PLCB4: variants seen among roughly 807,000 people sequenced by gnomAD.
PLCB4 encodes phospholipase C beta 4, also known as 1-phosphatidylinositol 4,5-bisphosphate phosphodiesterase beta-4.
In PLCB4, 77 loss-of-function variants were observed where a neutral mutation model predicts 178.8. The ratio of observed to expected loss-of-function variants is 0.43; its 90% confidence interval spans 0.36 to 0.52. The LOEUF (loss-of-function observed/expected upper bound fraction) is 0.52, where lower values mean the gene tolerates loss of function less well. PLCB4 is among the 20% of genes least tolerant of loss of function. The pLI is 0.00. For missense variants in PLCB4, 1,024 were observed against 1,453.4 expected, an observed-to-expected ratio of 0.70 and a Z score of 4.80; for synonymous variants, 496 against 490.8, an observed-to-expected ratio of 1.01 and a Z score of -0.14.
rs1402594384 is a variant in PLCB4, at chr20:9,264,701, A to T, written c.-15-43099A>T. ...GAATAGGCATGTGGAAGTATTTGGAAATCTTTGAAGTACTGTTTCTCAACC... is the reference window on the plus strand; with the variant it reads ...GAATAGGCATGTGGAAGTATTTGGATATCTTTGAAGTACTGTTTCTCAACC... On this transcript the variant is annotated intron_variant, in intron 3 of 39. Coordinates refer to ENST00000378473, the MANE Select transcript of PLCB4 (RefSeq NM_001377142.1). Among the ~76,000 whole-genome samples, 4 of 152,204 alleles carry T rather than the reference A, an allele frequency of 2.6e-5. No individual in the cohort carries two copies. The East Asian group carries it at 7.7e-4, about 29-fold the overall frequency.
At chr20:9,319,734 C>T (rs2094938118) in intron 4 of PLCB4, among the ~76,000 whole-genome samples, 1 of 152,166 alleles carries the variant, frequency 6.6e-6, no homozygotes, top group Admixed American at 6.5e-5. Context: ...TTGGATGGTG[C>T]CCTCCTGTAT....
At chr20:9,338,834 T>G in intron 6 of PLCB4, 60 bp from the exon 7 acceptor site, 1 of 1,329,756 alleles carries the variant, frequency 7.5e-7, no homozygotes. Flanking sequence ...TTACCACGTT[T>G]CTTCCTCCAT....
intron 7 of PLCB4, among the ~76,000 whole-genome samples, chr20:9,362,304 G>A (rs2035410872): frequency 6.6e-6 from 1 of 152,128 alleles, no homozygotes. Context: ...GTAAAACAGT[G>A]GAGTGATGGT....
intron 3 of PLCB4, among the ~76,000 whole-genome samples, chr20:9,247,056 A>G (rs1290534922): frequency 1.3e-5 from 2 of 152,194 alleles, no homozygotes; most frequent in Non-Finnish European, 2.9e-5. Flanking sequence ...TAGTGATGAC[A>G]GTACCCAGCA....
chr20:9,461,834 C>G (rs2043416492), intron 35 of PLCB4, among the ~76,000 whole-genome samples: 1 of 152,214 alleles, frequency 6.6e-6, no homozygotes, highest in Admixed American at 6.5e-5. Flanking sequence ...CAGGGCATAG[C>G]TGAACAAAAG....
intron 18 of PLCB4, 100 bp from the exon 19 acceptor site, chr20:9,395,419 ATTTC>A (rs2038495528): frequency 1.3e-6 from 1 of 757,846 alleles, no homozygotes; most frequent in Non-Finnish European, 2.3e-6. Flanking sequence ...TGAACATTCT[ATTTC>A]TTCTCTCTTT....
At chr20:9,100,726 A>C (rs181845783) in intron 2 of PLCB4, among the ~76,000 whole-genome samples, 1 of 152,066 alleles carries the variant, frequency 6.6e-6, no homozygotes, top group African/African-American at 2.4e-5. Context: ...TCTGATTCCT[A>C]CTTGGCTAGG....
intron 7 of PLCB4, among the ~76,000 whole-genome samples, chr20:9,360,889 A>C (rs150075770): frequency 2.0e-5 from 3 of 152,284 alleles, no homozygotes; most frequent in African/African-American, 4.8e-5. Context: ...CCCTCAGAAA[A>C]CTGTTAGGTG....
chr20:9,078,773 G>T (rs547755215), intron 1 of PLCB4, among the ~76,000 whole-genome samples: 1 of 152,288 alleles, frequency 6.6e-6, no homozygotes, highest in African/African-American at 2.4e-5. Context: ...AACTGTAATT[G>T]TTATTAATGA....
chr20:9,367,112 C>T (rs1315125638), intron 9 of PLCB4, among the ~76,000 whole-genome samples: 2 of 152,324 alleles, frequency 1.3e-5, no homozygotes, highest in Non-Finnish European at 2.9e-5. Context: ...TCCATACTCC[C>T]TTGACATTAC....
chr20:9,311,398 T>A (rs1331750080), intron 4 of PLCB4, among the ~76,000 whole-genome samples: 5 of 152,174 alleles, frequency 3.3e-5, no homozygotes, highest in Non-Finnish European at 7.3e-5. Context: ...CAGAGGAGAA[T>A]TGCATCATAC....
chr20:9,233,332 A>G (rs2093954802), intron 3 of PLCB4, among the ~76,000 whole-genome samples: 1 of 152,078 alleles, frequency 6.6e-6, no homozygotes. Flanking sequence ...TTGAGTGTCT[A>G]CCATGCACCA....
chr20:9,364,686 G>T (rs2035625289), intron 8 of PLCB4, among the ~76,000 whole-genome samples: 2 of 152,176 alleles, frequency 1.3e-5, no homozygotes, highest in African/African-American at 4.8e-5. Context: ...GTAGTTAGTG[G>T]TGCTTCTACG....
chr20:9,083,076 C>T (rs2090234937), intron 1 of PLCB4, among the ~76,000 whole-genome samples: 1 of 152,180 alleles, frequency 6.6e-6, no homozygotes, highest in African/African-American at 2.4e-5. Flanking sequence ...TGAAAACCTT[C>T]TGGAAATGTT....
intron 4 of PLCB4, among the ~76,000 whole-genome samples, chr20:9,316,349 C>T (rs140801284): frequency 3.4e-3 from 513 of 152,088 alleles, no homozygotes; most frequent in African/African-American, 6.9e-3. Flanking sequence ...AGAACCAGGC[C>T]GAGGTGTTTG....
chr20:9,283,267 A>G (rs6118558), intron 3 of PLCB4, among the ~76,000 whole-genome samples: 52,375 of 151,790 alleles, frequency 0.35, 9,237 homozygotes, highest in African/African-American at 0.43. Context: ...AGGATGACAA[A>G]TAAATAAAGC....
intron 3 of PLCB4, among the ~76,000 whole-genome samples, chr20:9,285,946 C>T (rs6118559): frequency 6.6e-6 from 1 of 151,990 alleles, no homozygotes; most frequent in Non-Finnish European, 1.5e-5. Flanking sequence ...TCTTGGGAGC[C>T]TCCTGCAAAG....
chr20:9,478,321 TAG>T (rs1252604360), intron 39 of PLCB4, among the ~76,000 whole-genome samples: 17 of 152,226 alleles, frequency 1.1e-4, no homozygotes, highest in Admixed American at 9.2e-4. Flanking sequence ...CCCACAGGGA[TAG>T]AGTTTGCACA....
chr20:9,165,527 C>T (rs2092954830), intron 2 of PLCB4, among the ~76,000 whole-genome samples: 1 of 152,116 alleles, frequency 6.6e-6, no homozygotes, highest in Non-Finnish European at 1.5e-5. Context: ...CTCTGGATGC[C>T]TCTCAAATAC....
Sources: gnomAD v4.1 joint callset for allele counts (sites outside exome capture counted in the v4.1 genomes callset) on GRCh38, gnomAD v4.1.1 for gene constraint, MANE v1.5 for transcripts, NCBI Gene and HGNC (gene_info 2026-07-23, HGNC 2026-07-21) for gene names.